Variants in RAB3IL1 observed in about 807,000 individuals in gnomAD.
The protein encoded by RAB3IL1 is guanine nucleotide exchange factor for Rab-3A.
Under a neutral mutation model 49.2 loss-of-function variants are expected in RAB3IL1, and 37 were observed. That is an observed-to-expected ratio of 0.75 (90% confidence interval 0.58 to 0.99). The LOEUF is 0.99. RAB3IL1 is among the 50% of genes least tolerant of loss of function. RAB3IL1 has a pLI of 0.00. For missense variants in RAB3IL1, 484 were observed against 513.0 expected (o/e 0.94, Z 0.55); for synonymous variants, 193 against 213.9 (o/e 0.90, Z 0.85).
At chr11:61,938,395 A>G in the RAB3IL1 span, among the ~76,000 whole-genome samples, 1 of 152,200 alleles carries the variant, frequency 6.6e-6, no homozygotes, top group Non-Finnish European at 1.5e-5. Context: ...TTTAAATACT[A>G]CATATATTCC....
In RAB3IL1 at chr11:61,907,445, G is replaced by T; in HGVS notation, c.386C>A (p.Ala129Asp). 6.2e-7 allele frequency: 1 copy of T among 1,614,200 alleles called. No individual in the cohort carries two copies. The part of the protein sequence containing the change: ...FEEAHKMVRE[A>D]NMKQAASEKQ... ...TTCTGATGCCGCCTGCTTCATGTTG[G>T]CTTCTCGAACCATCTTGTGAGCTTC... is the stretch of plus-strand genomic sequence containing the variant. Residue 129 changes from alanine (A) to aspartate (D), a missense_variant, in exon 4 of 10, where the codon GCC (alanine) becomes GAC (aspartate). Ala to Asp is a moderately radical substitution (Grantham distance 126). Coordinates refer to ENST00000394836, the MANE Select transcript of RAB3IL1 (RefSeq NM_013401.4).
chr11:61,920,385 T>C, upstream of RAB3IL1: 11 of 684,908 alleles, frequency 1.6e-5, no homozygotes, highest in Non-Finnish European at 2.2e-5. Flanking sequence ...CTCCTGTGGC[T>C]CCTCAGGCAG....
upstream of RAB3IL1, among the ~76,000 whole-genome samples, chr11:61,921,054 G>T (rs181050303): frequency 9.2e-5 from 14 of 151,796 alleles, no homozygotes; most frequent in Non-Finnish European, 1.5e-4. Flanking sequence ...GCAGGGTCTC[G>T]CTCCGTCACC....
the RAB3IL1 span, among the ~76,000 whole-genome samples, chr11:61,936,723 C>T: frequency 6.6e-6 from 1 of 152,206 alleles, no homozygotes. Flanking sequence ...CAGTTTATTT[C>T]TCATCAGAAA....
upstream of RAB3IL1, among the ~76,000 whole-genome samples, chr11:61,921,595 A>G (rs1388066032): frequency 6.6e-6 from 1 of 152,104 alleles, no homozygotes; most frequent in East Asian, 1.9e-4. Flanking sequence ...GCCCTGCGTC[A>G]TGACAAACAC....
chr11:61,946,097 C>T, the RAB3IL1 span, among the ~76,000 whole-genome samples: 1 of 152,192 alleles, frequency 6.6e-6, no homozygotes, highest in Non-Finnish European at 1.5e-5. Context: ...TGTCCCCCAG[C>T]ACCCCTGTCC....
the RAB3IL1 span, among the ~76,000 whole-genome samples, chr11:61,925,415 C>T: frequency 6.6e-6 from 1 of 152,170 alleles, no homozygotes; most frequent in Non-Finnish European, 1.5e-5. Flanking sequence ...GGGTGGATCA[C>T]TTGACGTCAG....
intron 7 of RAB3IL1, among the ~76,000 whole-genome samples, chr11:61,904,257 GTTA>G (rs1565359218): frequency 6.6e-6 from 1 of 152,044 alleles, no homozygotes; most frequent in East Asian, 1.9e-4. Flanking sequence ...CTACTGCGTC[GTTA>G]TTTATTGGCA....
At chr11:61,923,078 C>T (rs975580377), upstream of RAB3IL1, among the ~76,000 whole-genome samples, 5 of 152,142 alleles carry the variant, frequency 3.3e-5, no homozygotes, top group African/African-American at 9.7e-5. Context: ...TGGCCGGGGG[C>T]GGGAGAGGGG....
chr11:61,915,039 T>C (rs2134354147), intron 1 of RAB3IL1, among the ~76,000 whole-genome samples: 1 of 152,234 alleles, frequency 6.6e-6, no homozygotes, highest in African/African-American at 2.4e-5. Flanking sequence ...TAAATCCCTG[T>C]TTCCTCACCC....
rs764955686 is a variant in RAB3IL1 at position 61,904,584 on chromosome 11, G to A, written c.861C>T (p.Pro287=). 8 of 1,613,026 alleles carry A rather than the reference G, an allele frequency of 5.0e-6. No individual in the cohort carries two copies. Among genetic ancestry groups the A allele is most frequent in the Non-Finnish European group, 6.8e-6 (8 of 1,179,720 alleles). The change falls in exon 7 of 10, where the codon CCC becomes CCT. Residue 287 remains proline, a synonymous_variant. Coordinates refer to ENST00000394836, the MANE Select transcript of RAB3IL1 (RefSeq NM_013401.4). The part of the protein sequence containing the change: ...TIEPVASQTL[P]TVKVAEVDCS... ...AGTCAACCTCGGCCACCTTCACTGT[G>A]GGCAGCGTCTGCGAAGCCACCGGCT...
Position 61,904,476 on chromosome 11 carries a change from G to C in RAB3IL1, c.899+70C>G, listed in dbSNP as rs574131640. 77 of 1,424,692 alleles carry C rather than the reference G, an allele frequency of 5.4e-5. 2 individuals are homozygous for C. In the Middle Eastern group the frequency reaches 7.3e-3, roughly 135 times the overall value. 88.3% of individuals were successfully genotyped at this position (1,424,692 alleles called of 1,614,324 possible). A position where few individuals can be genotyped will look rare whatever the true frequency, so the allele number is the denominator to read the frequency against. ...CGCTGCTGCATCCTGACCACCCCTC[G>C]GCACAGTAAACACACGGCTTGGCGG... is the stretch of plus-strand genomic sequence containing the variant. On this transcript the variant is annotated intron_variant, in intron 7 of 9. Transcript: ENST00000394836.
At position 61,904,527 on chromosome 11, in the gene RAB3IL1, G is replaced by A. The variant is rs1256411056; in HGVS notation, c.899+19C>T. On this transcript the variant is annotated intron_variant, in intron 7 of 9. Coordinates refer to ENST00000394836, the MANE Select transcript of RAB3IL1 (RefSeq NM_013401.4). ...GGCTTTCCCACATGGGCAGGAAGGA[G>A]CTAAGACCCTCAGCTTACTTGGTGC... The A allele has an allele frequency of 6.3e-7, 1 of 1,587,906 alleles. No homozygotes were observed. The highest frequency in any genetic ancestry group is 1.1e-5 in the South Asian group (1 of 87,846).
At chr11:61,901,925 A>G (rs1782314201) in intron 8 of RAB3IL1, among the ~76,000 whole-genome samples, 1 of 152,198 alleles carries the variant, frequency 6.6e-6, no homozygotes, top group Non-Finnish European at 1.5e-5. Flanking sequence ...GTTGATAGTA[A>G]TTTGTTACAC....
chr11:61,937,262 T>C, the RAB3IL1 span, among the ~76,000 whole-genome samples: 5 of 152,188 alleles, frequency 3.3e-5, no homozygotes, highest in African/African-American at 9.7e-5. Flanking sequence ...ACTAAGTTGG[T>C]ATTAATTAGA....
At chr11:61,913,287 C>T (rs1939540352) in intron 1 of RAB3IL1, among the ~76,000 whole-genome samples, 1 of 152,114 alleles carries the variant, frequency 6.6e-6, no homozygotes, top group African/African-American at 2.4e-5. Flanking sequence ...TGAATTGGGC[C>T]AGGAACCAAT....
the RAB3IL1 span, among the ~76,000 whole-genome samples, chr11:61,941,314 T>C: frequency 3.3e-5 from 5 of 151,908 alleles, no homozygotes; most frequent in Non-Finnish European, 7.4e-5. Context: ...AAACTTCCAA[T>C]AGAGAAACGA....
chr11:61,927,838 G>C, the RAB3IL1 span, among the ~76,000 whole-genome samples: 3 of 152,218 alleles, frequency 2.0e-5, no homozygotes, highest in Non-Finnish European at 4.4e-5. Flanking sequence ...ATGATCGTAA[G>C]TTTCCTGAGG....
At chr11:61,932,306 A>G in the RAB3IL1 span, among the ~76,000 whole-genome samples, 1 of 152,164 alleles carries the variant, frequency 6.6e-6, no homozygotes, top group Non-Finnish European at 1.5e-5. Context: ...ATAATTCAAG[A>G]TTATTTCCCA....
Sources: allele counts gnomAD v4.1 joint callset (sites outside exome capture counted in the v4.1 genomes callset), GRCh38; gene constraint gnomAD v4.1.1; transcripts MANE v1.5; gene names NCBI Gene and HGNC (gene_info 2026-07-23, HGNC 2026-07-21).